Variants in PGAP6 observed in about 807,000 individuals in gnomAD.
PGAP6 encodes the protein post-GPI attachment to proteins 6, also known as post-GPI attachment to proteins factor 6.
Under a neutral mutation model 68.4 loss-of-function variants are expected in PGAP6, and 62 were observed. That is an observed-to-expected ratio of 0.91 (90% CI 0.74 to 1.12). PGAP6 has a LOEUF of 1.12. Among genes scored for constraint, PGAP6 ranks in the 50% most tolerant of loss-of-function variants. The probability of loss-of-function intolerance (pLI) is 0.00; values close to 1 mark genes in which losing one functional copy is unlikely to be tolerated. For missense variants in PGAP6, 1,188 were observed against 1,068.5 expected (o/e 1.11, Z -1.56); for synonymous variants, 575 against 474.0 (o/e 1.21, Z -2.77).
At position 377,083 on chromosome 16, in the gene PGAP6, C is replaced by T; in HGVS notation, c.589G>A (p.Asp197Asn). 6.2e-7 allele frequency: 1 copy of T among 1,613,482 alleles called. No individual in the cohort carries two copies. Among genetic ancestry groups the T allele is most frequent in the Non-Finnish European group, 8.5e-7 (1 of 1,179,986 alleles). ...RVVEISIMEP[D>N]VPLPQTLLSH... ...AGGAGGGTCTGAGGAAGGGGCACGT[C>T]CGGCTCCATGATGGAAATCTCGACC... The change falls in exon 4 of 13, where the codon GAC (aspartate) becomes AAC (asparagine). Residue 197 changes from aspartate (D) to asparagine (N), a missense_variant. Transcript: ENST00000431232.
intron 3 of PGAP6, 51 bp from the exon 4 acceptor site, chr16:377,215 G>A (rs2054392876): frequency 6.2e-7 from 1 of 1,610,662 alleles, no homozygotes; most frequent in African/African-American, 1.3e-5. Context: ...ATGCAGGTGT[G>A]AGGGCATGGT....
chr16:373,144 G>C (rs1042946591), intron 11 of PGAP6, among the ~76,000 whole-genome samples: 2 of 152,218 alleles, frequency 1.3e-5, no homozygotes, highest in Non-Finnish European at 2.9e-5. Flanking sequence ...TCTGCCCACA[G>C]CCTACAGTTC....
chr16:376,635 T>TGAGGGCAGCAGCAGGCGGC lies in PGAP6; in HGVS notation c.794_812dup (p.Trp274AlafsTer16), dbSNP rs763663105. ...CTTGCAGCCACCGGTCCCAGGGCGGTGAGGGCAGCAGCAGGCGGCAGGGCC... is the reference window on the plus strand; with the variant it reads ...CTTGCAGCCACCGGTCCCAGGGCGGTGAGGGCAGCAGCAGGCGGCGAGGGCAGCAGCAGGCGGCAGGGCC... On this transcript the variant is annotated frameshift_variant, in exon 5 of 13. Transcript: ENST00000431232. LOFTEE classifies it high-confidence loss of function. The TGAGGGCAGCAGCAGGCGGC allele has an allele frequency of 3.7e-6, 6 of 1,603,056 alleles. No homozygotes were observed. Among genetic ancestry groups the TGAGGGCAGCAGCAGGCGGC allele is most frequent in the Non-Finnish European group, 5.1e-6 (6 of 1,174,504 alleles).
chr16:381,585 C>A, intron 1 of PGAP6, 116 bp downstream of exon 1: 1 of 852,100 alleles, frequency 1.2e-6, no homozygotes, highest in Non-Finnish European at 1.5e-6. Flanking sequence ...GCGGCGGGGA[C>A]CCCCAACCCC....
In PGAP6 at chr16:375,421, G is replaced by A. The variant is rs746637627; in HGVS notation, c.1239C>T (p.Asn413=). The change falls in exon 7 of 13, where the codon AAC becomes AAT. Residue 413 remains asparagine, a synonymous_variant. Coordinates refer to ENST00000431232, the MANE Select transcript of PGAP6 (RefSeq NM_021259.3). ...SLRANKTEMR[N]ETVVVACVNA... ...TCACGCAGGCCACTACGACGGTCTC[G>A]TTCCGCATCTCTGTCTGGAAAGGGA... 1.1e-5 allele frequency: 17 copies of A among 1,612,280 alleles called. No homozygotes were observed. Among genetic ancestry groups the A allele is most frequent in the South Asian group, 6.6e-5 (6 of 91,068 alleles).
intron 1 of PGAP6, among the ~76,000 whole-genome samples, chr16:380,365 T>G (rs2054426600): frequency 6.6e-6 from 1 of 150,452 alleles, no homozygotes; most frequent in South Asian, 2.1e-4. Context: ...TTTTTCTTTC[T>G]GTCTTTCTTT....
rs1436999519 is a variant in PGAP6 at position 376,465 on chromosome 16, G to A, written c.905-10C>T. The A allele has an allele frequency of 2.6e-6, 4 of 1,556,290 alleles. No homozygotes were observed. Among genetic ancestry groups the A allele is most frequent in the Middle Eastern group, 1.7e-4 (1 of 5,760 alleles). On this transcript the variant is annotated splice_polypyrimidine_tract_variant and intron_variant, in intron 5 of 12. Coordinates refer to ENST00000431232, the MANE Select transcript of PGAP6 (RefSeq NM_021259.3). ...CTCCGTGGCCTGCAAGCTGCCGAGA[G>A]GACAAGGGGTTTGGCTGGAGGAAAG...
intron 1 of PGAP6, 120 bp from the exon 2 acceptor site, chr16:377,968 G>T: frequency 1.2e-6 from 1 of 844,758 alleles, no homozygotes. Context: ...GGAGATCTTG[G>T]CACACCAACT....
chr16:374,978 A>G, intron 8 of PGAP6, 86 bp from the exon 9 acceptor site: 1 of 1,594,856 alleles, frequency 6.3e-7, no homozygotes, highest in Non-Finnish European at 8.6e-7. Flanking sequence ...GACAGACATG[A>G]GAACGCAGCA....
Position 372,624 on chromosome 16 carries a change from A to T in PGAP6, c.2006T>A (p.Met669Lys), listed in dbSNP as rs761820371. Residue 669 changes from methionine to lysine, a missense_variant, in exon 12 of 13, where the codon ATG (methionine) becomes AAG (lysine). Coordinates refer to ENST00000431232, the MANE Select transcript of PGAP6 (RefSeq NM_021259.3). ...LGPCLFAFVIMASMWAYRCGH... is the reference protein window; with the variant it reads ...LGPCLFAFVIKASMWAYRCGH... ...CCGGCTCCTTACCCACATGGAGGCC[A>T]TGATCACGAAGGCAAAGAGGCAGGG... is the stretch of plus-strand genomic sequence containing the variant. 101 of 1,611,570 alleles carry T rather than the reference A, an allele frequency of 6.3e-5. No homozygotes were observed. Among genetic ancestry groups the T allele is most frequent in the Non-Finnish European group, 5.9e-6 (7 of 1,179,480 alleles).
intron 12 of PGAP6, 106 bp from the exon 13 acceptor site, chr16:372,389 G>T: frequency 1.6e-6 from 2 of 1,285,578 alleles, no homozygotes; most frequent in Non-Finnish European, 2.2e-6. Flanking sequence ...CTGGGCAGCA[G>T]AACGACAAGG....
chr16:379,415 C>T (rs1390829124), intron 1 of PGAP6, among the ~76,000 whole-genome samples: 1 of 152,236 alleles, frequency 6.6e-6, no homozygotes, highest in African/African-American at 2.4e-5. Context: ...CAGGCTCCAC[C>T]CACGACGCAC....
chr16:377,140 C>T lies in PGAP6; in HGVS notation c.532G>A (p.Val178Ile), dbSNP rs1401306557. Residue 178 changes from valine to isoleucine, a missense_variant, in exon 4 of 13, where the codon GTC (valine) becomes ATC (isoleucine). Transcript: ENST00000431232. ...GTGACCAGCAGTTCAGGCTGGAAGA[C>T]GTAGGCACAGGTGGGAGCCAAGCCC... ...LKGLAPTCAY[V>I]FQPELLVTRV... 12 of 1,613,578 alleles carry T rather than the reference C, an allele frequency of 7.4e-6. No homozygotes were observed. Among genetic ancestry groups the T allele is most frequent in the Non-Finnish European group, 7.6e-6 (9 of 1,180,012 alleles).
upstream of PGAP6, among the ~76,000 whole-genome samples, chr16:385,826 A>G (rs534000040): frequency 1.9e-4 from 27 of 143,384 alleles, no homozygotes; most frequent in South Asian, 1.8e-3. Context: ...GGGTTTCACC[A>G]TGTTAGCCAG....
rs886943464 is a variant in PGAP6, at chr16:371,993, C to T, written c.2310G>A (p.Val770=). The T allele has an allele frequency of 1.9e-6, 3 of 1,611,228 alleles. No individual in the cohort carries two copies. In the African/African-American group the frequency reaches 4.0e-5, roughly 22 times the overall value. ...CKNDREELYA[V]T The stretch of plus-strand genomic sequence containing the variant: ...AGCTGTCCCCAGGCCAGTGTCACGT[C>T]ACTGCGTACAGTTCCTCCCGATCGT... The change falls in exon 13 of 13, where the codon GTG becomes GTA. Residue 770 remains valine (V), a synonymous_variant. Coordinates refer to ENST00000431232, the MANE Select transcript of PGAP6 (RefSeq NM_021259.3).
At position 372,133 on chromosome 16, in the gene PGAP6, T is replaced by C. The variant is rs939003451; in HGVS notation, c.2170A>G (p.Ile724Val). 1.9e-6 allele frequency: 3 copies of C among 1,612,742 alleles called. No homozygotes were observed. The African/African-American group carries it at 4.0e-5, about 22-fold the overall frequency. The part of the protein sequence containing the change: ...TSDNYYYTHS[I>V]WHILLAGSAA... ...CTCCCGGCCAGCAGGATGTGCCAGA[T>C]GCTGTGGGTGTAGTAGTAGTTGTCG... The change falls in exon 13 of 13, where the codon ATC becomes GTC. Residue 724 changes from isoleucine (I) to valine (V), a missense_variant. By Grantham distance (29) the Ile-to-Val change is conservative (BLOSUM62 3). Coordinates refer to ENST00000431232, the MANE Select transcript of PGAP6 (RefSeq NM_021259.3).
At chr16:386,843 A>G, upstream of PGAP6, 1 of 681,276 alleles carries the variant, frequency 1.5e-6, no homozygotes, top group Non-Finnish European at 2.6e-6. Context: ...CCAAGAAGGC[A>G]GCGTTGAAAG....
At position 376,697 on chromosome 16, in the gene PGAP6, T is replaced by C. The variant is rs1597161670; in HGVS notation, c.751A>G (p.Asn251Asp). The C allele has an allele frequency of 6.2e-7, 1 of 1,611,562 alleles. No homozygotes were observed. The highest frequency in any genetic ancestry group is 8.5e-7 in the Non-Finnish European group (1 of 1,179,750). ...GTGCAGGTGAGCACCTTCTGGAAGTTGCTAGGCAGGGTGACCGGGCCCACG... is the reference window on the plus strand; with the variant it reads ...GTGCAGGTGAGCACCTTCTGGAAGTCGCTAGGCAGGGTGACCGGGCCCACG... ...LTVGPVTLPSNFQKVLTCTGA... is the reference protein window; with the variant it reads ...LTVGPVTLPSDFQKVLTCTGA... The change falls in exon 5 of 13, where the codon AAC becomes GAC. Residue 251 changes from asparagine (N) to aspartate (D), a missense_variant. Transcript: ENST00000431232.
At chr16:383,881 G>C (rs1427873894), upstream of PGAP6, among the ~76,000 whole-genome samples, 1 of 152,176 alleles carries the variant, frequency 6.6e-6, no homozygotes, top group African/African-American at 2.4e-5. Flanking sequence ...GACTCCACGA[G>C]CCCAGACCCC....
Sources: gnomAD v4.1 joint callset for allele counts (sites outside exome capture counted in the v4.1 genomes callset) on GRCh38, gnomAD v4.1.1 for gene constraint, MANE v1.5 for transcripts, NCBI Gene and HGNC (gene_info 2026-07-23, HGNC 2026-07-21) for gene names.